The following GALR1 variants were observed in gnomAD, a reference collection of about 807,000 sequenced individuals.
The protein encoded by GALR1 is galanin receptor 1.
In GALR1, 11 loss-of-function variants were observed where a neutral mutation model predicts 17.9. That is an observed-to-expected ratio of 0.62 (90% CI 0.39 to 1.02). GALR1 has a LOEUF of 1.02. Among genes scored for constraint, GALR1 ranks in the 50% least tolerant of loss-of-function variants. GALR1 has a pLI of 0.01. For synonymous variants in GALR1, 206 were observed against 205.7 expected, an observed-to-expected ratio of 1.00 and a Z score of -0.01; for missense variants, 441 against 456.9, an observed-to-expected ratio of 0.97 and a Z score of 0.32.
chr18:77,271,061 A>G lies in GALR1; in HGVS notation c.*2159A>G, dbSNP rs1286508938. The G allele has an allele frequency of 1.3e-5, 2 of 152,114 alleles. No homozygotes were observed. Among genetic ancestry groups the G allele is most frequent in the East Asian group, 3.9e-4 (2 of 5,190 alleles). 9.4% of individuals were successfully genotyped at this position (152,114 alleles called of 1,614,324 possible). A position where few individuals can be genotyped will look rare whatever the true frequency, so the allele number is the denominator to read the frequency against. On this transcript the variant is annotated 3_prime_UTR_variant, in exon 3 of 3. Transcript: ENST00000299727. ...GGAAATGATTTCTTGCACCATGGCT[A>G]TTTCTTTGTTTTCTCCTTCTGATCT...
intron 1 of GALR1, chr18:77,253,896 A>G (rs1344619273): frequency 6.6e-6 from 1 of 152,178 alleles, no homozygotes; most frequent in Non-Finnish European, 1.5e-5. Flanking sequence ...TTTCTGGGAA[A>G]CTCATCGAAT....
At position 77,268,744 on chromosome 18, in the gene GALR1, G is replaced by A. The variant is rs745551553; in HGVS notation, c.892G>A (p.Val298Met). 12 of 1,614,082 alleles carry A rather than the reference G, an allele frequency of 7.4e-6. No individual in the cohort carries two copies. Among genetic ancestry groups the A allele is most frequent in the South Asian group, 1.1e-5 (1 of 91,084 alleles). ...AHCLAYSNSS[V>M]NPIIYAFLSE... ...CTGCCTGGCGTACAGCAATTCCTCC[G>A]TGAATCCTATCATTTATGCATTTCT... is the stretch of plus-strand genomic sequence containing the variant. The change falls in exon 3 of 3, where the codon GTG becomes ATG. Residue 298 changes from valine (V) to methionine (M), a missense_variant. Physicochemically the swap from Val to Met is conservative, Grantham distance 21 (BLOSUM62 1). Transcript: ENST00000299727.
chr18:77,258,981 G>A (rs1240715290), intron 2 of GALR1, among the ~76,000 whole-genome samples: 1,296 of 115,112 alleles, frequency 0.011, 28 homozygotes, highest in Non-Finnish European at 0.018. Flanking sequence ...TGTGGTGATG[G>A]TGGTGGATGG....
At chr18:77,253,007 C>CCATCACCAT (rs1568139262) in intron 1 of GALR1, among the ~76,000 whole-genome samples, 2 of 74,152 alleles carry the variant, frequency 2.7e-5, no homozygotes, top group African/African-American at 5.2e-5. Context: ...ACCACCACCA[C>CCATCACCAT]CACCACCACC....
In GALR1 at chr18:77,268,568, C is replaced by G; in HGVS notation, c.733-17C>G. On this transcript the variant is annotated splice_polypyrimidine_tract_variant and intron_variant, in intron 2 of 2. Coordinates refer to ENST00000299727, the MANE Select transcript of GALR1 (RefSeq NM_001480.4). Reference sequence around the variant, plus strand: ...CCTCCTCCTCCTCCTCCTCCTCCTCCTCTTCTTCTTTTCTAGACTGCACAG... The same window carrying G: ...CCTCCTCCTCCTCCTCCTCCTCCTCGTCTTCTTCTTTTCTAGACTGCACAG... 6.5e-7 allele frequency: 1 copy of G among 1,530,770 alleles called. No individual in the cohort carries two copies. Among genetic ancestry groups the G allele is most frequent in the Non-Finnish European group, 9.0e-7 (1 of 1,114,472 alleles). The allele number at this position is 1,530,770 out of a possible 1,614,324, so 94.8% of individuals were successfully genotyped here.
rs1913026462 is a variant in GALR1 at position 77,269,876 on chromosome 18, GTTTGAT to G, written c.*977_*982del. The G allele has an allele frequency of 6.6e-6, 1 of 152,150 alleles. No individual in the cohort carries two copies. Among genetic ancestry groups the G allele is most frequent in the African/African-American group, 2.4e-5 (1 of 41,434 alleles). 9.4% of individuals were successfully genotyped at this position (152,150 alleles called of 1,614,324 possible). A position where few individuals can be genotyped will look rare whatever the true frequency, so the allele number is the denominator to read the frequency against. On this transcript the variant is annotated 3_prime_UTR_variant, in exon 3 of 3. Transcript: ENST00000299727. ...TGCCTGTACATAAAGCATATTTCAT[GTTTGAT>G]TTAGATGACATTCAAAAAAAATCAT... is the stretch of plus-strand genomic sequence containing the variant.
Position 77,251,214 on chromosome 18 carries a change from G to A in GALR1, c.666G>A (p.Lys222=), listed in dbSNP as rs1912403756. 1 of 1,591,176 alleles carries A rather than the reference G, an allele frequency of 6.3e-7. No homozygotes were observed. The change falls in exon 1 of 3, where the codon AAG becomes AAA. Residue 222 remains lysine (K), a splice_region_variant and synonymous_variant. Coordinates refer to ENST00000299727, the MANE Select transcript of GALR1 (RefSeq NM_001480.4). ...PLLLICFCYA[K]VLNHLHKKLK... is the part of the protein sequence containing the mutation. The stretch of plus-strand genomic sequence containing the variant: ...TGCTCATCTGCTTCTGCTATGCCAA[G>A]GTGCACGCCGGTCGCGGGGCCGAGA...
Position 77,258,797 on chromosome 18 carries a change from ATGGTGG to A in GALR1, c.732+2582_732+2587del, listed in dbSNP as rs1229476616. On this transcript the variant is annotated intron_variant, in intron 2 of 2. Transcript: ENST00000299727. ...AGTGATGGTGGTGGTGGTGGTGGTGATGGTGGTGGTGGTCATAGTGGTGGTGGTGCT... is the reference window on the plus strand; with the variant it reads ...AGTGATGGTGGTGGTGGTGGTGGTGATGGTGGTCATAGTGGTGGTGGTGCT... Among the ~76,000 whole-genome samples the A allele has an allele frequency of 5.6e-4, 44 of 78,108 alleles. 1 individual carries two copies. Among genetic ancestry groups the A allele is most frequent in the African/African-American group, 2.0e-3 (37 of 18,760 alleles). 51.2% of individuals were successfully genotyped at this position (78,108 alleles called of 152,430 possible).
chr18:77,267,308 G>C (rs1185597315), intron 2 of GALR1, among the ~76,000 whole-genome samples: 1 of 152,192 alleles, frequency 6.6e-6, no homozygotes, highest in African/African-American at 2.4e-5. Context: ...CTGCAGCTCA[G>C]CTGCCCAGTG....
rs1049856124 is a variant in GALR1 at position 77,269,949 on chromosome 18, A to G, written c.*1047A>G. 5 of 152,214 alleles carry G rather than the reference A, an allele frequency of 3.3e-5. No individual in the cohort carries two copies. Among genetic ancestry groups the G allele is most frequent in the African/African-American group, 1.2e-4 (5 of 41,458 alleles). The allele number at this position is 152,214 out of a possible 1,614,324, so 9.4% of individuals were successfully genotyped here. Reference sequence around the variant, plus strand: ...GGGGTATCCTATCTTGTACAAATGCATGCTTTTTCATTAAATTTGTAATGA... The same window carrying G: ...GGGGTATCCTATCTTGTACAAATGCGTGCTTTTTCATTAAATTTGTAATGA... On this transcript the variant is annotated 3_prime_UTR_variant, in exon 3 of 3. Transcript: ENST00000299727.
intron 2 of GALR1, among the ~76,000 whole-genome samples, chr18:77,261,334 G>A (rs1213158834): frequency 1.3e-5 from 2 of 152,216 alleles, no homozygotes; most frequent in Non-Finnish European, 2.9e-5. Context: ...GGGAAGCAGT[G>A]CACACACAGG....
chr18:77,264,633 C>T (rs1284134206), intron 2 of GALR1, among the ~76,000 whole-genome samples: 2 of 151,906 alleles, frequency 1.3e-5, no homozygotes, highest in East Asian at 3.8e-4. Context: ...AAAGACATAC[C>T]CAAGACTGGG....
intron 2 of GALR1, among the ~76,000 whole-genome samples, chr18:77,261,807 A>C (rs1008543814): frequency 1.3e-5 from 2 of 152,102 alleles, no homozygotes; most frequent in Admixed American, 1.3e-4. Flanking sequence ...TGGTTCTCCA[A>C]ACAGTTTCTT....
chr18:77,257,358 G>A lies in GALR1; in HGVS notation c.732+1135G>A, dbSNP rs150495286. 8.8e-4 allele frequency among the ~76,000 whole-genome samples: 134 copies of A among 152,190 alleles called. 1 individual carries two copies. The East Asian group carries it at 0.02, about 23-fold the overall frequency. ...TTAGGATAACCACCTAAGAATACAA[G>A]GTGCAGTATAAATAACAAGACCATG... is the stretch of plus-strand genomic sequence containing the variant. On this transcript the variant is annotated intron_variant, in intron 2 of 2. Transcript: ENST00000299727.
Position 77,251,207 on chromosome 18 carries a change from A to G in GALR1, c.659A>G (p.Tyr220Cys), listed in dbSNP as rs757826583. ...LLPLLLICFC[Y>C]AKVLNHLHKK... ...CCGCTCCTGCTCATCTGCTTCTGCTATGCCAAGGTGCACGCCGGTCGCGGG... is the reference window on the plus strand; with the variant it reads ...CCGCTCCTGCTCATCTGCTTCTGCTGTGCCAAGGTGCACGCCGGTCGCGGG... Residue 220 changes from tyrosine (Y) to cysteine (C), a missense_variant, in exon 1 of 3, where the codon TAT becomes TGT. By Grantham distance (194) the Tyr-to-Cys change is radical. Transcript: ENST00000299727. The G allele has an allele frequency of 1.9e-5, 30 of 1,604,016 alleles. 1 individual carries two copies. The Middle Eastern group carries it at 8.3e-4, about 44-fold the overall frequency.
intron 1 of GALR1, among the ~76,000 whole-genome samples, chr18:77,252,815 T>C (rs1164771485): frequency 2.0e-5 from 3 of 146,812 alleles, no homozygotes; most frequent in Admixed American, 1.4e-4. Context: ...GCCACTGAAC[T>C]CTAGCCTGGC....
At chr18:77,256,560 TAGAG>T (rs1356940766) in intron 2 of GALR1, among the ~76,000 whole-genome samples, 1 of 123,066 alleles carries the variant, frequency 8.1e-6, no homozygotes, top group African/African-American at 2.6e-5. Flanking sequence ...CATGCATACT[TAGAG>T]GGAAAGTATA....
chr18:77,259,410 T>TG (rs1568142291), intron 2 of GALR1, among the ~76,000 whole-genome samples: 4 of 67,286 alleles, frequency 5.9e-5, no homozygotes, highest in Non-Finnish European at 1.0e-4. Context: ...TCATGGTGGT[T>TG]ATGGTGGTGA....
At chr18:77,252,890 C>CCAT (rs1912464175) in intron 1 of GALR1, among the ~76,000 whole-genome samples, 6 of 69,524 alleles carry the variant, frequency 8.6e-5, no homozygotes, top group African/African-American at 1.5e-4. Flanking sequence ...ATCACCACCA[C>CCAT]CACCATCACC....
Sources: allele counts gnomAD v4.1 joint callset (sites outside exome capture counted in the v4.1 genomes callset), GRCh38; gene constraint gnomAD v4.1.1; transcripts MANE v1.5; gene names NCBI Gene and HGNC (gene_info 2026-07-23, HGNC 2026-07-21).